Variants in PALD1 observed in about 807,000 individuals in gnomAD.
PALD1 encodes phosphatase domain containing paladin 1.
PALD1 carries 57 observed loss-of-function variants against 96.0 expected under a neutral mutation model. The ratio of observed to expected loss-of-function variants is 0.59; its 90% CI spans 0.48 to 0.74. PALD1 has a LOEUF of 0.74. Among genes scored for constraint, PALD1 ranks in the 30% least tolerant of loss-of-function variants. PALD1 has a pLI of 0.00. For missense variants in PALD1, 1,063 were observed against 1,143.7 expected (o/e 0.93, Z 1.02); for synonymous variants, 464 against 473.6 (o/e 0.98, Z 0.26).
In PALD1 at chr10:70,567,997, GAA is replaced by G. The variant is rs148438661; in HGVS notation, c.*1275_*1276del. 9 of 144,566 alleles carry G rather than the reference GAA, an allele frequency of 6.2e-5. No individual in the cohort carries two copies. The highest frequency in any genetic ancestry group is 1.5e-4 in the African/African-American group (6 of 39,442). 9.0% of individuals were successfully genotyped at this position (144,566 alleles called of 1,614,324 possible). Reference sequence around the variant, plus strand: ...TGGTTAGGCTCGTGTACTTCTGCAGGAAAAAAAAAAAAGGATGTGTCATTGGT... The same window carrying G: ...TGGTTAGGCTCGTGTACTTCTGCAGGAAAAAAAAAAGGATGTGTCATTGGT... On this transcript the variant is annotated 3_prime_UTR_variant, in exon 20 of 20. Transcript: ENST00000263563.
At chr10:70,471,715 A>G in the PALD1 span, among the ~76,000 whole-genome samples, 117 of 152,248 alleles carry the variant, frequency 7.7e-4, 2 homozygotes, top group Non-Finnish European at 8.5e-4. Flanking sequence ...CGAAAGTCCT[A>G]GTGATGGAAT....
chr10:70,536,765 A>G (rs149862534), intron 10 of PALD1, among the ~76,000 whole-genome samples: 2 of 152,312 alleles, frequency 1.3e-5, no homozygotes, highest in African/African-American at 4.8e-5. Flanking sequence ...ATTCCCAAAG[A>G]TGGGATTAAA....
At chr10:70,499,711 G>T (rs904529540) in intron 1 of PALD1, among the ~76,000 whole-genome samples, 10 of 152,204 alleles carry the variant, frequency 6.6e-5, no homozygotes, top group African/African-American at 2.4e-4. Context: ...CTGCCCGGGG[G>T]CCTGGAGAGC....
chr10:70,459,556 G>C, the PALD1 span, among the ~76,000 whole-genome samples: 1 of 152,166 alleles, frequency 6.6e-6, no homozygotes, highest in Non-Finnish European at 1.5e-5. Context: ...GGCATGGAGG[G>C]AAGGACGTCC....
At chr10:70,495,195 C>T (rs1382136904) in intron 1 of PALD1, among the ~76,000 whole-genome samples, 1 of 152,232 alleles carries the variant, frequency 6.6e-6, no homozygotes, top group Non-Finnish European at 1.5e-5. Context: ...CTTCATACGT[C>T]GGCATAGGCC....
chr10:70,537,969 G>A (rs1406543939), intron 11 of PALD1, 63 bp downstream of exon 11: 13 of 1,179,874 alleles, frequency 1.1e-5, no homozygotes, highest in South Asian at 5.0e-5. Flanking sequence ...CCTCCCCACC[G>A]CAGTGACTGG....
intron 1 of PALD1, among the ~76,000 whole-genome samples, chr10:70,479,626 G>C (rs767474413): frequency 2.6e-4 from 40 of 152,224 alleles, no homozygotes; most frequent in Non-Finnish European, 4.0e-4. Flanking sequence ...CAGAGAGAGA[G>C]TGGCCTATGG....
chr10:70,474,546 C>T (rs1374591009), upstream of PALD1, among the ~76,000 whole-genome samples: 1 of 152,138 alleles, frequency 6.6e-6, no homozygotes, highest in African/African-American at 2.4e-5. Flanking sequence ...CAGCCTGAGA[C>T]TCTGTCCAAG....
chr10:70,508,868 G>GTGTGT (rs1554855672), intron 1 of PALD1, among the ~76,000 whole-genome samples: 26 of 11,034 alleles, frequency 2.4e-3, no homozygotes, highest in Admixed American at 5.5e-3. Context: ...CAGGCCTGTG[G>GTGTGT]GAGTTGCGGG....
At position 70,534,695 on chromosome 10, in the gene PALD1, C is replaced by G. The variant is rs779235823; in HGVS notation, c.1123-44C>G. 7 of 1,365,328 alleles carry G rather than the reference C, an allele frequency of 5.1e-6. No homozygotes were observed. In the East Asian group the frequency reaches 1.6e-4, roughly 32 times the overall value. The allele number at this position is 1,365,328 out of a possible 1,614,324, so 84.6% of individuals were successfully genotyped here. A position where few individuals can be genotyped will look rare whatever the true frequency, so the allele number is the denominator to read the frequency against. ...GCCGTTCTGCCTTGACCCTGCTCCC[C>G]ACCCCCCCACCTCCCTCTTACTTGC... On this transcript the variant is annotated intron_variant, in intron 9 of 19. Transcript: ENST00000263563.
chr10:70,539,829 C>T lies in PALD1; in HGVS notation c.1908+67C>T, dbSNP rs1847204729. The T allele has an allele frequency of 3.6e-6, 5 of 1,384,272 alleles. No individual in the cohort carries two copies. The highest frequency in any genetic ancestry group is 4.9e-6 in the Non-Finnish European group (5 of 1,014,332). 85.7% of individuals were successfully genotyped at this position (1,384,272 alleles called of 1,614,324 possible). On this transcript the variant is annotated intron_variant, in intron 15 of 19. Coordinates refer to ENST00000263563, the MANE Select transcript of PALD1 (RefSeq NM_014431.3). The surrounding 1 kb of genome is among the most constrained non-coding windows in gnomAD (Gnocchi z 4.5). Reference sequence around the variant, plus strand: ...GAGGCCTCCCTGTCTCCCCTCTGGTCTGGGCTCTGGGAGAATGAAACGACC... The same window carrying T: ...GAGGCCTCCCTGTCTCCCCTCTGGTTTGGGCTCTGGGAGAATGAAACGACC...
chr10:70,500,334 C>T (rs1036049768), intron 1 of PALD1, among the ~76,000 whole-genome samples: 3 of 152,164 alleles, frequency 2.0e-5, no homozygotes, highest in African/African-American at 4.8e-5. Context: ...AGGCCGTGGT[C>T]GTGCTTCTCT....
chr10:70,465,220 C>T, the PALD1 span, among the ~76,000 whole-genome samples: 817 of 152,196 alleles, frequency 5.4e-3, 11 homozygotes, highest in African/African-American at 0.019. Context: ...GTGATCCGCC[C>T]GCCTCTGCCT....
chr10:70,511,118 C>T (rs1846508850), intron 1 of PALD1, among the ~76,000 whole-genome samples: 2 of 152,176 alleles, frequency 1.3e-5, no homozygotes, highest in Admixed American at 6.5e-5. Context: ...TAAATTCTCC[C>T]CTGTTCCCAT....
At chr10:70,534,284 T>A in intron 8 of PALD1, 141 bp from the exon 9 acceptor site, 1 of 748,556 alleles carries the variant, frequency 1.3e-6, no homozygotes, top group Non-Finnish European at 2.2e-6. Context: ...GTTGGGGAAA[T>A]GTCCCCTGCT....
chr10:70,460,747 T>C, the PALD1 span, among the ~76,000 whole-genome samples: 1 of 152,126 alleles, frequency 6.6e-6, no homozygotes, highest in Non-Finnish European at 1.5e-5. Context: ...TGCCTCTCAT[T>C]GCCTGTAGGA....
the PALD1 span, among the ~76,000 whole-genome samples, chr10:70,465,538 C>T: frequency 2.6e-5 from 4 of 152,248 alleles, no homozygotes; most frequent in Admixed American, 2.6e-4. Context: ...TTGCCGTCAT[C>T]GTCAAAATAA....
intron 19 of PALD1, among the ~76,000 whole-genome samples, chr10:70,566,316 C>T (rs1362796421): frequency 6.6e-6 from 1 of 152,210 alleles, no homozygotes; most frequent in Non-Finnish European, 1.5e-5. Context: ...GTGTGCCTGG[C>T]CTCCCTCGCT....
chr10:70,468,702 C>CTGTGTG, the PALD1 span, among the ~76,000 whole-genome samples: 3,341 of 123,834 alleles, frequency 0.027, 75 homozygotes, highest in African/African-American at 0.037. Context: ...TGAGGCAGGA[C>CTGTGTG]TGTGTGTGTG....
Sources: allele counts gnomAD v4.1 joint callset (sites outside exome capture counted in the v4.1 genomes callset), GRCh38; gene constraint gnomAD v4.1.1; non-coding constraint Gnocchi (gnomAD v3.1); transcripts MANE v1.5; gene names NCBI Gene and HGNC (gene_info 2026-07-23, HGNC 2026-07-21).